Variants in CCDC134 observed in about 807,000 individuals in gnomAD.
CCDC134 encodes the protein coiled-coil domain containing 134, also known as coiled-coil domain-containing protein 134.
Under a neutral mutation model 25.6 loss-of-function variants are expected in CCDC134, and 27 were observed. That is an observed-to-expected ratio of 1.05 (90% CI 0.78 to 1.45). The LOEUF (loss-of-function observed/expected upper bound fraction) is 1.45. Among genes scored for constraint, CCDC134 ranks in the 40% most tolerant of loss-of-function variants. The pLI is 0.00. For missense variants in CCDC134, 261 were observed against 286.7 expected (o/e 0.91, Z 0.65); for synonymous variants, 110 against 115.0 (o/e 0.96, Z 0.28).
rs758985096 is a variant in CCDC134 at position 41,818,654 on chromosome 22, A to G, written c.564+4832A>G. ...CCAGTGGCTTTGCTTTATGTGGCAGAGTCGGGGATGCTGTTTCCTCAGTGG... is the reference window on the plus strand; with the variant it reads ...CCAGTGGCTTTGCTTTATGTGGCAGGGTCGGGGATGCTGTTTCCTCAGTGG... On this transcript the variant is annotated intron_variant, in intron 6 of 6. Coordinates refer to ENST00000255784, the MANE Select transcript of CCDC134 (RefSeq NM_024821.5). Among the ~76,000 whole-genome samples, 103 of 152,316 alleles carry G rather than the reference A, an allele frequency of 6.8e-4. 2 individuals are homozygous for G. The highest frequency in any genetic ancestry group is 3.4e-3 in the Middle Eastern group (1 of 294).
intron 4 of CCDC134, 87 bp downstream of exon 4, chr22:41,810,378 T>C: frequency 7.5e-7 from 1 of 1,326,814 alleles, no homozygotes; most frequent in East Asian, 2.5e-5. Flanking sequence ...CACTCTTTTT[T>C]TCTCCCCGGA....
chr22:41,810,055 G>A, intron 3 of CCDC134, 55 bp downstream of exon 3: 1 of 1,609,476 alleles, frequency 6.2e-7, no homozygotes, highest in Non-Finnish European at 8.5e-7. Context: ...TCTAGGCACT[G>A]ATGGGTAAAC....
rs1391325859 is a variant in CCDC134 at position 41,830,682 on chromosome 22, T to G, written c.*4859T>G. On this transcript the variant is annotated 3_prime_UTR_variant, in exon 7 of 7. Transcript: ENST00000255784. ...TCCCAAAAAATAAGACACTATCTAT[T>G]TCTCATTAGTTATACACGTTCATTA... Among the ~76,000 whole-genome samples the G allele has an allele frequency of 6.6e-6, 1 of 152,176 alleles. No individual in the cohort carries two copies. The highest frequency in any genetic ancestry group is 1.5e-5 in the Non-Finnish European group (1 of 68,034).
chr22:41,815,774 A>G (rs1485477214), intron 6 of CCDC134, among the ~76,000 whole-genome samples: 1 of 152,064 alleles, frequency 6.6e-6, no homozygotes, highest in African/African-American at 2.4e-5. Flanking sequence ...CCTCCTGAGT[A>G]GCTGGGACGA....
At chr22:41,819,582 T>C (rs2076638789) in intron 6 of CCDC134, among the ~76,000 whole-genome samples, 2 of 152,092 alleles carry the variant, frequency 1.3e-5, no homozygotes, top group African/African-American at 4.8e-5. Context: ...GGCATTCTAG[T>C]TGGGGAAGAC....
intron 6 of CCDC134, among the ~76,000 whole-genome samples, chr22:41,824,098 A>G (rs1331016742): frequency 6.6e-6 from 1 of 152,232 alleles, no homozygotes; most frequent in Non-Finnish European, 1.5e-5. Flanking sequence ...TCCTACCCTC[A>G]TGGAATGTGC....
intron 6 of CCDC134, among the ~76,000 whole-genome samples, chr22:41,819,941 G>GAGC (rs1284213866): frequency 1.4e-5 from 2 of 139,762 alleles, no homozygotes; most frequent in African/African-American, 5.6e-5. Context: ...GGGACCTGGA[G>GAGC]AGCAGGCTGT....
chr22:41,818,349 G>A (rs1021338879), intron 6 of CCDC134, among the ~76,000 whole-genome samples: 10 of 152,174 alleles, frequency 6.6e-5, no homozygotes, highest in Admixed American at 5.9e-4. Context: ...CAAACTCCCC[G>A]GAGCAAAGTA....
In CCDC134 at chr22:41,818,350, G is replaced by C. The variant is rs564012673; in HGVS notation, c.564+4528G>C. ...ACATATCAAAATGGCAAACTCCCCG[G>C]AGCAAAGTATGTATTCAGCAGAAAC... On this transcript the variant is annotated intron_variant, in intron 6 of 6. Coordinates refer to ENST00000255784, the MANE Select transcript of CCDC134 (RefSeq NM_024821.5). 2.1e-3 allele frequency among the ~76,000 whole-genome samples: 324 copies of C among 152,302 alleles called. 2 individuals are homozygous for C. The highest frequency in any genetic ancestry group is 7.3e-3 in the African/African-American group (305 of 41,574).
At position 41,810,236 on chromosome 22, in the gene CCDC134, C is replaced by G; in HGVS notation, c.255C>G (p.Thr85=). Residue 85 remains threonine, a synonymous_variant, in exon 4 of 7, where the codon ACC becomes ACG. Transcript: ENST00000255784. ...KVLEDSRTVL[T]AADVLPDGPF... ...TGGAGGACTCCCGGACAGTGCTCACCGCTGCTGATGTGCTCCCAGATGGGC... is the reference window on the plus strand; with the variant it reads ...TGGAGGACTCCCGGACAGTGCTCACGGCTGCTGATGTGCTCCCAGATGGGC... 6.2e-7 allele frequency: 1 copy of G among 1,614,024 alleles called. No individual in the cohort carries two copies. The highest frequency in any genetic ancestry group is 1.3e-5 in the African/African-American group (1 of 75,004).
At chr22:41,812,347 G>A (rs569780142) in intron 4 of CCDC134, among the ~76,000 whole-genome samples, 98 of 150,726 alleles carry the variant, frequency 6.5e-4, no homozygotes, top group African/African-American at 2.3e-3. Context: ...ACTTGAACCC[G>A]CGAGGCGGAG....
intron 1 of CCDC134, among the ~76,000 whole-genome samples, chr22:41,808,114 T>A (rs2076577234): frequency 1.3e-5 from 2 of 151,670 alleles, no homozygotes; most frequent in Admixed American, 1.3e-4. Context: ...GAGCCGAGAT[T>A]GCGCCATTCC....
Position 41,827,763 on chromosome 22 carries a change from C to T in CCDC134, c.*1940C>T, listed in dbSNP as rs969973299. Among the ~76,000 whole-genome samples the T allele has an allele frequency of 2.0e-5, 3 of 152,192 alleles. No individual in the cohort carries two copies. The highest frequency in any genetic ancestry group is 3.8e-4 in the East Asian group (2 of 5,202). ...TCCAGACCCTATTTTCCTGCATCAA[C>T]GGGAAAGGGTCAGATTCACTGGCTC... is the stretch of plus-strand genomic sequence containing the variant. On this transcript the variant is annotated 3_prime_UTR_variant, in exon 7 of 7. Coordinates refer to ENST00000255784, the MANE Select transcript of CCDC134 (RefSeq NM_024821.5).
intron 1 of CCDC134, among the ~76,000 whole-genome samples, chr22:41,804,168 A>G (rs1382876727): frequency 6.6e-6 from 1 of 152,176 alleles, no homozygotes; most frequent in Non-Finnish European, 1.5e-5. Flanking sequence ...TCAAAATGAT[A>G]TGGAATCTTG....
In CCDC134 at chr22:41,809,880, CAA is replaced by C; in HGVS notation, c.106_107del (p.Lys36GlufsTer4). 6.2e-7 allele frequency: 1 copy of C among 1,614,132 alleles called. No homozygotes were observed. Among genetic ancestry groups the C allele is most frequent in the Non-Finnish European group, 8.5e-7 (1 of 1,180,030 alleles). On this transcript the variant is annotated frameshift_variant and splice_region_variant, in exon 3 of 7. Transcript: ENST00000255784. LOFTEE classifies it high-confidence loss of function. ...TSLDPSLEIYKKMFEVKRREQ... is the reference protein window; with the variant it reads ...TSLDPSLEIYXKMFEVKRREQ... ...GCCCCTTAACTTAATTCTGCCCAGACAAGAAGATGTTTGAGGTGAAGCGGCGG... is the reference window on the plus strand; with the variant it reads ...GCCCCTTAACTTAATTCTGCCCAGACGAAGATGTTTGAGGTGAAGCGGCGG...
chr22:41,801,905 A>G (rs1318597009), intron 1 of CCDC134, among the ~76,000 whole-genome samples: 1 of 152,204 alleles, frequency 6.6e-6, no homozygotes, highest in African/African-American at 2.4e-5. Flanking sequence ...AAAGGTTTTG[A>G]AAAGGAAAAA....
chr22:41,804,502 C>G (rs947192297), intron 1 of CCDC134, among the ~76,000 whole-genome samples: 1 of 152,184 alleles, frequency 6.6e-6, no homozygotes. Flanking sequence ...AACAGATGTA[C>G]TATAGCTTTT....
At chr22:41,803,020 A>G (rs1316312817) in intron 1 of CCDC134, among the ~76,000 whole-genome samples, 10 of 152,206 alleles carry the variant, frequency 6.6e-5, no homozygotes, top group Admixed American at 5.9e-4. Context: ...AGGCTGAGGC[A>G]GGAGAATCGC....
chr22:41,801,406 C>CTCTG (rs2076543020), intron 1 of CCDC134, among the ~76,000 whole-genome samples: 1 of 152,128 alleles, frequency 6.6e-6, no homozygotes, highest in Admixed American at 6.6e-5. Flanking sequence ...CAGTAGCCAG[C>CTCTG]TCTGATCTCA....
Sources: allele counts gnomAD v4.1 joint callset (sites outside exome capture counted in the v4.1 genomes callset), GRCh38; gene constraint gnomAD v4.1.1; transcripts MANE v1.5; gene names NCBI Gene and HGNC (gene_info 2026-07-23, HGNC 2026-07-21).